Variants in SLC9B1 observed in about 807,000 individuals in gnomAD.
SLC9B1 encodes sodium/hydrogen exchanger 9B1.
SLC9B1 carries 32 observed loss-of-function variants against 51.7 expected under a neutral mutation model. The observed-to-expected ratio is 0.62, with a 90% CI of 0.47 to 0.83. SLC9B1 has a LOEUF of 0.83. SLC9B1 is among the 40% of genes least tolerant of loss of function. SLC9B1 has a pLI of 0.00. For synonymous variants in SLC9B1, 145 were observed against 212.7 expected (o/e 0.68, Z 2.77); for missense variants, 406 against 613.2 (o/e 0.66, Z 3.57).
chr4:102,908,354 C>T (rs1735158952), intron 9 of SLC9B1, among the ~76,000 whole-genome samples: 1 of 151,770 alleles, frequency 6.6e-6, no homozygotes, highest in South Asian at 2.1e-4. Flanking sequence ...ATATGTGTGT[C>T]TGAATATATA....
chr4:103,012,076 C>A (rs1346595488), intron 1 of SLC9B1, among the ~76,000 whole-genome samples: 2 of 152,228 alleles, frequency 1.3e-5, no homozygotes, highest in Non-Finnish European at 2.9e-5. Context: ...ATTTCCAATT[C>A]TTTAAGTTCT....
At chr4:102,995,150 T>C (rs1355943571) in intron 1 of SLC9B1, among the ~76,000 whole-genome samples, 3 of 152,182 alleles carry the variant, frequency 2.0e-5, no homozygotes, top group Non-Finnish European at 4.4e-5. Context: ...TTTACACACT[T>C]AATAATTTTT....
intron 7 of SLC9B1, among the ~76,000 whole-genome samples, chr4:102,914,399 G>A (rs535915326): frequency 6.6e-6 from 1 of 152,160 alleles, no homozygotes; most frequent in African/African-American, 2.4e-5. Flanking sequence ...TGTTTATCCT[G>A]CAAAGGCAGA....
intron 8 of SLC9B1, among the ~76,000 whole-genome samples, 197 bp from the exon 9 acceptor site, chr4:102,910,785 G>A (rs997457254): frequency 1.1e-4 from 16 of 151,850 alleles, no homozygotes; most frequent in African/African-American, 2.9e-4. Context: ...AATTAGTCAC[G>A]TTTCATCTTC....
intron 1 of SLC9B1, chr4:103,016,607 T>C (rs1741360652): frequency 6.6e-6 from 1 of 151,546 alleles, no homozygotes; most frequent in Non-Finnish European, 1.5e-5. Context: ...CCATGTTTTG[T>C]AGTCTTGGCT....
chr4:102,914,072 G>T (rs1256373174), intron 7 of SLC9B1, among the ~76,000 whole-genome samples: 1 of 151,976 alleles, frequency 6.6e-6, no homozygotes, highest in Non-Finnish European at 1.5e-5. Flanking sequence ...AAGTTTTAAA[G>T]ATAATTTGGC....
At chr4:102,915,089 T>C (rs1578341824) in intron 7 of SLC9B1, among the ~76,000 whole-genome samples, 3 of 128,380 alleles carry the variant, frequency 2.3e-5, no homozygotes, top group Non-Finnish European at 4.9e-5. Context: ...GATGATATAT[T>C]AAAAGGGCTG....
intron 7 of SLC9B1, among the ~76,000 whole-genome samples, chr4:102,922,238 G>C (rs1735915756): frequency 6.6e-6 from 1 of 152,186 alleles, no homozygotes; most frequent in Non-Finnish European, 1.5e-5. Flanking sequence ...AATCAAATTA[G>C]AACTTAGGAT....
chr4:102,905,233 A>AT (rs1553972736), intron 11 of SLC9B1, among the ~76,000 whole-genome samples: 2 of 149,468 alleles, frequency 1.3e-5, no homozygotes, highest in Non-Finnish European at 3.0e-5. Context: ...TTATTTATTT[A>AT]TTTTTTTGAG....
intron 1 of SLC9B1, among the ~76,000 whole-genome samples, chr4:103,007,133 G>A (rs1740829242): frequency 6.6e-6 from 1 of 152,050 alleles, no homozygotes; most frequent in Non-Finnish European, 1.5e-5. Context: ...AGAACAATCA[G>A]GCAGGAGAAA....
chr4:102,917,928 G>T (rs1735665113), intron 7 of SLC9B1, among the ~76,000 whole-genome samples: 2 of 151,890 alleles, frequency 1.3e-5, no homozygotes. Context: ...AATTAGCCAG[G>T]CATGGTGGTG....
chr4:102,901,778 AG>A (rs1560916812), intron 11 of SLC9B1, among the ~76,000 whole-genome samples: 1 of 152,100 alleles, frequency 6.6e-6, no homozygotes, highest in African/African-American at 2.4e-5. Flanking sequence ...CTCCCTATTC[AG>A]GGGGCACTGT....
chr4:102,987,571 T>C lies in SLC9B1; in HGVS notation c.211+2229A>G, dbSNP rs548239670. ...GTTAGGCTCTGATAAAAAATTTTTT[T>C]TTGGGGGGCAGACTTTGTAAGAAGA... On this transcript the variant is annotated intron_variant, in intron 3 of 11. Coordinates refer to ENST00000296422, the MANE Select transcript of SLC9B1 (RefSeq NM_139173.4). 2.5e-3 allele frequency among the ~76,000 whole-genome samples: 380 copies of C among 152,208 alleles called. 2 individuals are homozygous for C. The highest frequency in any genetic ancestry group is 4.4e-3 in the Non-Finnish European group (301 of 68,008).
intron 3 of SLC9B1, among the ~76,000 whole-genome samples, chr4:102,987,103 G>A (rs1349504251): frequency 6.6e-6 from 1 of 152,178 alleles, no homozygotes; most frequent in Admixed American, 6.5e-5. Flanking sequence ...GATAAGGTGT[G>A]TGTGTTGGGG....
intron 3 of SLC9B1, among the ~76,000 whole-genome samples, chr4:102,956,314 TAA>T (rs35614802): frequency 0.026 from 3,459 of 133,144 alleles, 97 homozygotes; most frequent in East Asian, 0.098. Flanking sequence ...TGAGTATTAC[TAA>T]AAAAAAAAAA....
intron 7 of SLC9B1, among the ~76,000 whole-genome samples, chr4:102,924,230 T>C (rs1736038091): frequency 6.6e-6 from 1 of 152,042 alleles, no homozygotes; most frequent in Admixed American, 6.6e-5. Flanking sequence ...TGGAACAGAA[T>C]AGAGCCCTCA....
intron 1 of SLC9B1, among the ~76,000 whole-genome samples, chr4:103,011,390 T>C (rs2110542072): frequency 6.6e-6 from 1 of 152,202 alleles, no homozygotes; most frequent in South Asian, 2.1e-4. Context: ...AGTTCTCACA[T>C]GTTGGCATCA....
chr4:102,885,250 T>G (rs1470155774), exon 12 of SLC9B1: 2 of 1,614,120 alleles, frequency 1.2e-6, no homozygotes, highest in Non-Finnish European at 8.5e-7. Context: ...CTTTCCTTGG[T>G]GTACTCGCAC....
chr4:102,945,043 C>A, intron 6 of SLC9B1, 150 bp downstream of exon 6: 1 of 883,970 alleles, frequency 1.1e-6, no homozygotes, highest in Non-Finnish European at 1.6e-6. Context: ...TGGGACATGG[C>A]TCTGCTTTTA....
Sources: allele counts gnomAD v4.1 joint callset (sites outside exome capture counted in the v4.1 genomes callset), GRCh38; gene constraint gnomAD v4.1.1; transcripts MANE v1.5; gene names NCBI Gene and HGNC (gene_info 2026-07-23, HGNC 2026-07-21).